Variants in CPB2 observed in about 807,000 individuals in gnomAD.
CPB2 encodes the protein carboxypeptidase B2.
Under a neutral mutation model 57.0 loss-of-function variants are expected in CPB2, and 54 were observed. The ratio of observed to expected loss-of-function variants is 0.95; its 90% CI spans 0.76 to 1.19. CPB2 has a LOEUF of 1.19. CPB2 is among the 50% of genes most tolerant of loss of function. The pLI is 0.00. For synonymous variants in CPB2, 189 were observed against 178.1 expected (o/e 1.06, Z -0.49); for missense variants, 426 against 512.0 (o/e 0.83, Z 1.62).
At chr13:46,089,810 G>T (rs563299256) in intron 1 of CPB2, among the ~76,000 whole-genome samples, 23 of 150,214 alleles carry the variant, frequency 1.5e-4, no homozygotes, top group Non-Finnish European at 3.2e-4. Flanking sequence ...ATTAGCTGGT[G>T]CTTTGTCATG....
Position 46,064,402 on chromosome 13 carries a change from G to T in CPB2, c.796+246C>A, listed in dbSNP as rs894216783. ...ATTTTAGAATTTTGAAGCTAGAAGG[G>T]ATCTTAAAAAACTGATTCAACTTTC... On this transcript the variant is annotated intron_variant, in intron 8 of 10. Transcript: ENST00000181383. 9.9e-5 allele frequency among the ~76,000 whole-genome samples: 15 copies of T among 152,256 alleles called. No homozygotes were observed. In the East Asian group the frequency reaches 2.9e-3, roughly 29 times the overall value.
chr13:46,087,954 C>A, intron 1 of CPB2, 134 bp from the exon 2 acceptor site: 1 of 599,368 alleles, frequency 1.7e-6, no homozygotes, highest in Non-Finnish European at 2.9e-6. Context: ...GAGGATCTTA[C>A]TACAGATTCA....
intron 5 of CPB2, 144 bp from the exon 6 acceptor site, chr13:46,074,121 G>T: frequency 2.0e-6 from 1 of 491,810 alleles, no homozygotes; most frequent in South Asian, 4.1e-5. Flanking sequence ...AAATTCTCAA[G>T]GGAAATTTAA....
chr13:46,080,594 C>T (rs536639713), intron 4 of CPB2, among the ~76,000 whole-genome samples: 4 of 152,096 alleles, frequency 2.6e-5, no homozygotes, highest in East Asian at 1.9e-4. Flanking sequence ...AGAGTGGGCA[C>T]GAATCCAATC....
At chr13:46,064,390 G>T (rs1307996384) in intron 8 of CPB2, among the ~76,000 whole-genome samples, 1 of 152,150 alleles carries the variant, frequency 6.6e-6, no homozygotes, top group Non-Finnish European at 1.5e-5. Context: ...TTAGAATTTT[G>T]AAGCTAGAAG....
intron 4 of CPB2, among the ~76,000 whole-genome samples, chr13:46,080,854 C>T (rs1050302774): frequency 6.6e-6 from 1 of 151,844 alleles, no homozygotes; most frequent in African/African-American, 2.4e-5. Context: ...CGCCTCTAGT[C>T]CCAGCTACTC....
intron 1 of CPB2, among the ~76,000 whole-genome samples, chr13:46,102,746 T>C (rs967955452): frequency 6.6e-5 from 10 of 152,128 alleles, no homozygotes; most frequent in Non-Finnish European, 1.3e-4. Context: ...TAAAAAAATT[T>C]ATTTTTACTC....
At chr13:46,103,810 T>C (rs2045463880) in intron 1 of CPB2, among the ~76,000 whole-genome samples, 1 of 152,192 alleles carries the variant, frequency 6.6e-6, no homozygotes, top group South Asian at 2.1e-4. Flanking sequence ...TATGGAATAT[T>C]AGAACTAGCA....
At chr13:46,059,903 C>A (rs914104524) in intron 8 of CPB2, among the ~76,000 whole-genome samples, 1 of 152,182 alleles carries the variant, frequency 6.6e-6, no homozygotes, top group Non-Finnish European at 1.5e-5. Context: ...CATCTAAGGT[C>A]TTCCCAAGTA....
In CPB2 at chr13:46,053,597, T is replaced by A. The variant is rs761213751; in HGVS notation, c.*17A>T. 2 of 1,600,992 alleles carry A rather than the reference T, an allele frequency of 1.2e-6. No homozygotes were observed. The highest frequency in any genetic ancestry group is 1.7e-6 in the Non-Finnish European group (2 of 1,170,426). ...AGTAAATTAAAATACGGAAGCAGAA[T>A]GATAAAATCAGGGGCATTAAACATT... On this transcript the variant is annotated 3_prime_UTR_variant, in exon 11 of 11. Transcript: ENST00000181383.
In CPB2 at chr13:46,084,359, C is replaced by A. The variant is rs746484093; in HGVS notation, c.151-16G>T. The A allele has an allele frequency of 3.5e-5, 57 of 1,612,466 alleles. No individual in the cohort carries two copies. Among genetic ancestry groups the A allele is most frequent in the Admixed American group, 2.5e-4 (15 of 59,694 alleles). On this transcript the variant is annotated splice_polypyrimidine_tract_variant and intron_variant, in intron 2 of 10. Coordinates refer to ENST00000181383, the MANE Select transcript of CPB2 (RefSeq NM_001872.5). ...AGAGAACAATCTACAGTTTAAGGGG[C>A]AAAATTGATAAAATTAAAAAAGAGT...
At position 46,054,454 on chromosome 13, in the gene CPB2, T is replaced by C. The variant is rs143766159; in HGVS notation, c.1088-656A>G. On this transcript the variant is annotated intron_variant, in intron 10 of 10. Transcript: ENST00000181383. Reference sequence around the variant, plus strand: ...TGCAGGGTTTTCATATGAAAATATATGCTGTACCTGGAATTTACTTTGGTG... The same window carrying C: ...TGCAGGGTTTTCATATGAAAATATACGCTGTACCTGGAATTTACTTTGGTG... Among the ~76,000 whole-genome samples, 538 of 152,314 alleles carry C rather than the reference T, an allele frequency of 3.5e-3. 2 individuals are homozygous for C. The highest frequency in any genetic ancestry group is 0.01 in the African/African-American group (423 of 41,574).
At chr13:46,077,426 G>A (rs1027049120) in intron 5 of CPB2, among the ~76,000 whole-genome samples, 6 of 151,992 alleles carry the variant, frequency 3.9e-5, no homozygotes, top group Non-Finnish European at 7.4e-5. Context: ...AGGCAATTAC[G>A]AATGCTAGAG....
intron 7 of CPB2, 70 bp from the exon 8 acceptor site, chr13:46,064,811 G>C (rs1031693096): frequency 1.7e-6 from 2 of 1,206,086 alleles, no homozygotes; most frequent in African/African-American, 1.5e-5. Context: ...ACATGCATTT[G>C]AAAGTCCATG....
intron 2 of CPB2, among the ~76,000 whole-genome samples, chr13:46,086,808 C>T (rs1294105813): frequency 2.0e-5 from 3 of 152,244 alleles, no homozygotes; most frequent in Non-Finnish European, 4.4e-5. Context: ...GGCTTCCCTC[C>T]TGTGCTCGTC....
At chr13:46,081,439 G>A (rs1438688458) in intron 4 of CPB2, among the ~76,000 whole-genome samples, 1 of 152,062 alleles carries the variant, frequency 6.6e-6, no homozygotes, top group African/African-American at 2.4e-5. Context: ...GATGGATGCT[G>A]GAGAGAGGTG....
intron 1 of CPB2, among the ~76,000 whole-genome samples, chr13:46,094,357 T>G (rs1206192793): frequency 6.6e-6 from 1 of 152,210 alleles, no homozygotes; most frequent in Admixed American, 6.5e-5. Flanking sequence ...AACTAGAATG[T>G]TAAATTCTGT....
In CPB2 at chr13:46,086,815, C is replaced by T. The variant is rs546388546; in HGVS notation, c.150+930G>A. ...ACCCCCTTGGCTTCCCTCCTGTGCT[C>T]GTCAGTACCCAAAGTCCAGAGGGGG... On this transcript the variant is annotated intron_variant, in intron 2 of 10. Transcript: ENST00000181383. 7.0e-4 allele frequency among the ~76,000 whole-genome samples: 106 copies of T among 152,346 alleles called. 1 individual carries two copies. In the South Asian group the frequency reaches 0.022, roughly 31 times the overall value.
chr13:46,103,460 G>T (rs1243909439), intron 1 of CPB2, among the ~76,000 whole-genome samples: 2 of 152,238 alleles, frequency 1.3e-5, no homozygotes, highest in African/African-American at 4.8e-5. Context: ...GCTGTCCAGT[G>T]CATGGAGTTG....
Sources: gnomAD v4.1 joint callset for allele counts (sites outside exome capture counted in the v4.1 genomes callset) on GRCh38, gnomAD v4.1.1 for gene constraint, MANE v1.5 for transcripts, NCBI Gene and HGNC (gene_info 2026-07-23, HGNC 2026-07-21) for gene names.